The following ACACB variants were observed in gnomAD, a reference collection of about 807,000 sequenced individuals.
ACACB encodes acetyl-CoA carboxylase beta.
A neutral mutation model predicts 278.8 loss-of-function variants in ACACB; 209 were observed. The observed-to-expected ratio is 0.75, with a 90% confidence interval of 0.67 to 0.84. The LOEUF is 0.84. Among genes scored for constraint, ACACB ranks in the 40% least tolerant of loss-of-function variants. The probability of loss-of-function intolerance (pLI) is 0.00; values close to 1 mark genes in which losing one functional copy is unlikely to be tolerated. For missense variants in ACACB, 2,850 were observed against 3,269.0 expected, an observed-to-expected ratio of 0.87 and a Z score of 3.13; for synonymous variants, 1,174 against 1,285.6, an observed-to-expected ratio of 0.91 and a Z score of 1.86.
intron 36 of ACACB, 25 bp from the exon 37 acceptor site, chr12:109,242,412 C>G (rs2046824749): frequency 3.7e-6 from 6 of 1,608,038 alleles, no homozygotes; most frequent in Non-Finnish European, 5.1e-6. Context: ...CTCTCACTCT[C>G]TGTTTTCCCT....
At chr12:109,143,454 C>T (rs1057451485) in intron 2 of ACACB, among the ~76,000 whole-genome samples, 5 of 117,834 alleles carry the variant, frequency 4.2e-5, no homozygotes, top group Non-Finnish European at 7.3e-5. Context: ...CACAGGCAGA[C>T]CCTGTCTCAA....
At chr12:109,142,377 C>G (rs999505309) in intron 2 of ACACB, among the ~76,000 whole-genome samples, 1 of 152,094 alleles carries the variant, frequency 6.6e-6, no homozygotes, top group Non-Finnish European at 1.5e-5. Context: ...TTCTCAGGTA[C>G]TTGGCAAGAG....
Position 109,199,434 on chromosome 12 carries a change from T to A in ACACB, c.2660T>A (p.Val887Glu). 1 of 1,543,990 alleles carries A rather than the reference T, an allele frequency of 6.5e-7. No individual in the cohort carries two copies. Among genetic ancestry groups the A allele is most frequent in the Non-Finnish European group, 8.7e-7 (1 of 1,144,510 alleles). ...ATTACCATCGGCAATAAGACGTGTGTGTTTGAGAAGGAGAACGATCCTACA... is the reference window on the plus strand; with the variant it reads ...ATTACCATCGGCAATAAGACGTGTGAGTTTGAGAAGGAGAACGATCCTACA... ...YRITIGNKTCVFEKENDPTVL... is the reference protein window; with the variant it reads ...YRITIGNKTCEFEKENDPTVL... The change falls in exon 18 of 53, where the codon GTG (valine) becomes GAG (glutamate). Residue 887 changes from valine (V) to glutamate (E), a missense_variant. Physicochemically the swap from Val to Glu is moderately radical, Grantham distance 121. Transcript: ENST00000338432.
chr12:109,218,471 GC>G (rs1165324865), intron 24 of ACACB, among the ~76,000 whole-genome samples: 1 of 152,076 alleles, frequency 6.6e-6, no homozygotes, highest in Non-Finnish European at 1.5e-5. Flanking sequence ...CAATCCTCCT[GC>G]CTTGGCCTCC....
chr12:109,254,963 C>T lies in ACACB; in HGVS notation c.6166+629C>T, dbSNP rs187765897. 2.5e-3 allele frequency among the ~76,000 whole-genome samples: 378 copies of T among 152,014 alleles called. 1 individual carries two copies. The highest frequency in any genetic ancestry group is 8.3e-3 in the African/African-American group (342 of 41,446). On this transcript the variant is annotated intron_variant, in intron 44 of 52. Coordinates refer to ENST00000338432, the MANE Select transcript of ACACB (RefSeq NM_001093.4). ...CTAATTTTTGTATTTTTAGTAGAGG[C>T]GGAGTTTCACCATGTTGGCCAGGCT...
intron 29 of ACACB, 67 bp downstream of exon 29, chr12:109,232,873 C>T: frequency 1.3e-6 from 2 of 1,584,948 alleles, no homozygotes; most frequent in South Asian, 2.3e-5. Flanking sequence ...CTTGAATCCC[C>T]CCCCAATTCA....
intron 1 of ACACB, among the ~76,000 whole-genome samples, chr12:109,130,372 T>C (rs1422059039): frequency 6.6e-6 from 1 of 152,184 alleles, no homozygotes; most frequent in Admixed American, 6.5e-5. Context: ...AGAACCGACA[T>C]GTGAACCCAG....
chr12:109,163,377 A>G (rs1380847634), intron 2 of ACACB, among the ~76,000 whole-genome samples: 6 of 152,200 alleles, frequency 3.9e-5, no homozygotes, highest in African/African-American at 1.4e-4. Context: ...TCATAGGAAG[A>G]GGATGCTATA....
chr12:109,144,754 C>CTTTTTTTT (rs71079528), intron 2 of ACACB, among the ~76,000 whole-genome samples: 5 of 102,802 alleles, frequency 4.9e-5, no homozygotes, highest in South Asian at 3.6e-4. Context: ...TTCTTTCTTT[C>CTTTTTTTT]TTTTTTTTTT....
chr12:109,133,851 ATATATATATATATTTTTT>A (rs1402412458), intron 1 of ACACB, among the ~76,000 whole-genome samples: 25 of 80,650 alleles, frequency 3.1e-4, no homozygotes, highest in African/African-American at 1.6e-3. Context: ...ATATATATAT[ATATATATATATATTTTTT>A]TTTTTTTTTT....
At chr12:109,188,239 CTCCCTTCTTCCCCTCTTCCTTCCCTCTT>C in intron 13 of ACACB, 77 bp downstream of exon 13, 1 of 1,327,510 alleles carries the variant, frequency 7.5e-7, no homozygotes, top group East Asian at 2.6e-5. Flanking sequence ...CCTTCCCTCT[CTCCCTTCTTCCCCTCTTCCTTCCCTCTT>C]TCTCCTCCCT....
At chr12:109,187,335 G>A (rs2044697341) in intron 12 of ACACB, among the ~76,000 whole-genome samples, 1 of 152,032 alleles carries the variant, frequency 6.6e-6, no homozygotes, top group African/African-American at 2.4e-5. Context: ...GAAATGTCAA[G>A]CATATAAAGT....
intron 2 of ACACB, among the ~76,000 whole-genome samples, chr12:109,144,029 G>T (rs1241476641): frequency 6.6e-6 from 1 of 151,920 alleles, no homozygotes; most frequent in Non-Finnish European, 1.5e-5. Context: ...AAAATAAAAT[G>T]AGGCCAGGTA....
At position 109,237,272 on chromosome 12, in the gene ACACB, C is replaced by T. The variant is rs1360584338; in HGVS notation, c.4554C>T (p.His1518=). ...FDLTAVPCAN[H]KMHLYLGAAK... is the part of the protein sequence containing the mutation. ...TGACCGCCGTGCCCTGTGCCAACCA[C>T]AAGATGCACCTTTACCTGGGTGCTG... Residue 1518 remains histidine (H), a synonymous_variant, in exon 34 of 53, where the codon CAC becomes CAT. Transcript: ENST00000338432. The T allele has an allele frequency of 3.7e-6, 6 of 1,614,228 alleles. No individual in the cohort carries two copies. Among genetic ancestry groups the T allele is most frequent in the Admixed American group, 1.7e-5 (1 of 60,012 alleles).
chr12:109,227,295 C>T, intron 27 of ACACB, 76 bp from the exon 28 acceptor site: 1 of 1,295,154 alleles, frequency 7.7e-7, no homozygotes, highest in Non-Finnish European at 1.1e-6. Flanking sequence ...TACCTGTTCC[C>T]CGTGAGTGCC....
In ACACB at chr12:109,129,998, A is replaced by G. The variant is rs141064306; in HGVS notation, c.-9-9399A>G. On this transcript the variant is annotated intron_variant, in intron 1 of 52. Transcript: ENST00000338432. ...ACATGAATCTTGGTTGATTCTCACA[A>G]TAAGGCAGGTGAGGTAGGCGAGGCT... Among the ~76,000 whole-genome samples, 6 of 152,326 alleles carry G rather than the reference A, an allele frequency of 3.9e-5. No individual in the cohort carries two copies. In the East Asian group the frequency reaches 9.6e-4, roughly 24 times the overall value.
intron 52 of ACACB, among the ~76,000 whole-genome samples, chr12:109,265,958 G>C (rs530539817): frequency 1.3e-5 from 2 of 152,340 alleles, no homozygotes; most frequent in African/African-American, 4.8e-5. Flanking sequence ...GAGCACAGGG[G>C]ACCCCATTTT....
rs545843998 is a variant in ACACB at position 109,179,415 on chromosome 12, T to A, written c.1647+118T>A. On this transcript the variant is annotated intron_variant, in intron 10 of 52. Transcript: ENST00000338432. ...TGGCATGGGTGCCTAACAAGAGGGA[T>A]GAGGGCCCATTCCAGAGGTGATTTC... 336 of 1,037,604 alleles carry A rather than the reference T, an allele frequency of 3.2e-4. No homozygotes were observed. The African/African-American group carries it at 4.5e-3, about 14-fold the overall frequency. The allele number at this position is 1,037,604 out of a possible 1,614,324, so 64.3% of individuals were successfully genotyped here.
intron 49 of ACACB, chr12:109,263,923 T>G: frequency 3.7e-6 from 1 of 272,082 alleles, no homozygotes; most frequent in Non-Finnish European, 6.9e-6. Context: ...TAGAGTTGCA[T>G]GTTGAATGCT....
Sources: gnomAD v4.1 joint callset for allele counts (sites outside exome capture counted in the v4.1 genomes callset) on GRCh38, gnomAD v4.1.1 for gene constraint, MANE v1.5 for transcripts, NCBI Gene and HGNC (gene_info 2026-07-23, HGNC 2026-07-21) for gene names.